The following CORO1B variants were observed in gnomAD, a reference collection of about 807,000 sequenced individuals.
CORO1B encodes the protein coronin 1B.
Under a neutral mutation model 51.1 loss-of-function variants are expected in CORO1B, and 30 were observed. The ratio of observed to expected loss-of-function variants is 0.59; its 90% confidence interval spans 0.44 to 0.80. CORO1B has a LOEUF of 0.80. Ranked by LOEUF, CORO1B falls within the 30% of genes least tolerant of loss-of-function variation. CORO1B has a pLI of 0.00. For missense variants in CORO1B, 648 were observed against 700.4 expected, an observed-to-expected ratio of 0.93 and a Z score of 0.84; for synonymous variants, 310 against 289.7, an observed-to-expected ratio of 1.07 and a Z score of -0.71.
At position 67,437,558 on chromosome 11, in the gene CORO1B, T is replaced by C; in HGVS notation, c.*818A>G. Reference sequence around the variant, plus strand: ...CTCCTTAGCTCCACAGGCCCAGACATTCTAGCCCCGACCGCCTGTGGCCCC... The same window carrying C: ...CTCCTTAGCTCCACAGGCCCAGACACTCTAGCCCCGACCGCCTGTGGCCCC... On this transcript the variant is annotated 3_prime_UTR_variant, in exon 11 of 11. Coordinates refer to ENST00000341356, the MANE Select transcript of CORO1B (RefSeq NM_020441.3). The C allele has an allele frequency of 7.5e-7, 1 of 1,336,786 alleles. No individual in the cohort carries two copies. The highest frequency in any genetic ancestry group is 9.7e-7 in the Non-Finnish European group (1 of 1,033,882). The allele number at this position is 1,336,786 out of a possible 1,614,324, so 82.8% of individuals were successfully genotyped here.
At chr11:67,440,561 TCTGCCATC>T in intron 6 of CORO1B, 122 bp from the exon 7 acceptor site, 1 of 863,892 alleles carries the variant, frequency 1.2e-6, no homozygotes, top group Non-Finnish European at 1.9e-6. Flanking sequence ...AGGTGGGCCC[TCTGCCATC>T]TCTATGCCTT....
intron 4 of CORO1B, 74 bp downstream of exon 4, chr11:67,441,659 G>T: frequency 2.1e-6 from 3 of 1,396,942 alleles, no homozygotes; most frequent in Admixed American, 1.9e-5. Flanking sequence ...TGTCATGTGG[G>T]CCCTGGAGGG....
At position 67,436,591 on chromosome 11, in the gene CORO1B, C is replaced by T. The variant is rs1864286731; in HGVS notation, c.*1785G>A. The T allele has an allele frequency of 2.3e-6, 1 of 434,826 alleles. No individual in the cohort carries two copies. Among genetic ancestry groups the T allele is most frequent in the Non-Finnish European group, 4.0e-6 (1 of 249,402 alleles). 26.9% of individuals were successfully genotyped at this position (434,826 alleles called of 1,614,324 possible). A position where few individuals can be genotyped will look rare whatever the true frequency, so the allele number is the denominator to read the frequency against. On this transcript the variant is annotated 3_prime_UTR_variant, in exon 11 of 11. Transcript: ENST00000341356. ...CCCAACAGCTGCATTAAGCCACCTG[C>T]CTGGGGCCTTCGCACTGGCTGTTCC...
chr11:67,442,011 G>C lies in CORO1B; in HGVS notation c.279C>G (p.His93Gln). 6.2e-7 allele frequency: 1 copy of C among 1,613,276 alleles called. No individual in the cohort carries two copies. The highest frequency in any genetic ancestry group is 8.5e-7 in the Non-Finnish European group (1 of 1,180,024). Residue 93 changes from histidine (H) to glutamine (Q), a missense_variant, in exon 3 of 11, where the codon CAC (histidine) becomes CAG (glutamine). His to Gln is a conservative substitution (Grantham distance 24, BLOSUM62 0). Transcript: ENST00000341356. ...AGCCGCTGGCTATGACTTCGTCGTTGTGAGGACACCAGTCGATGTCCAGGA... is the reference window on the plus strand; with the variant it reads ...AGCCGCTGGCTATGACTTCGTCGTTCTGAGGACACCAGTCGATGTCCAGGA... ...GPVLDIDWCP[H>Q]NDEVIASGSE...
Position 67,442,065 on chromosome 11 carries a change from G to A in CORO1B, c.225C>T (p.Tyr75=). Residue 75 remains tyrosine (Y), a synonymous_variant, in exon 3 of 11, where the codon TAC becomes TAT. Coordinates refer to ENST00000341356, the MANE Select transcript of CORO1B (RefSeq NM_020441.3). ...LSKTGRIDKA[Y]PTVCGHTGPV... is the part of the protein sequence containing the mutation. ...GTCCCGTGTGCCCACACACCGTCGG[G>A]TAGGCCTTGTCAATGCGGCCCGTCT... 6.2e-7 allele frequency: 1 copy of A among 1,612,632 alleles called. No individual in the cohort carries two copies. The highest frequency in any genetic ancestry group is 8.5e-7 in the Non-Finnish European group (1 of 1,179,766).
In CORO1B at chr11:67,441,025, G is replaced by C. The variant is rs779402142; in HGVS notation, c.756+100C>G. ...CCCTGAGAGCCTCAAGTTCCAGGCA[G>C]AGAAGCTAGGAACCACAGGCCTCCC... On this transcript the variant is annotated intron_variant, in intron 6 of 10. Transcript: ENST00000341356. The C allele has an allele frequency of 1.9e-6, 3 of 1,562,794 alleles. No homozygotes were observed. In the South Asian group the frequency reaches 3.3e-5, roughly 17 times the overall value.
chr11:67,438,379 C>T lies in CORO1B; in HGVS notation c.1467G>A (p.Ala489=), dbSNP rs202196580. The change falls in exon 11 of 11, where the codon GCG becomes GCA. Residue 489 remains alanine, a synonymous_variant. Coordinates refer to ENST00000341356, the MANE Select transcript of CORO1B (RefSeq NM_020441.3). Reference sequence around the variant, plus strand: ...AAGGTGGCGTGTGGCTGTGGCCCTACGCATCCCCGTTCTCCATGCGGCCCA... The same window carrying T: ...AAGGTGGCGTGTGGCTGTGGCCCTATGCATCCCCGTTCTCCATGCGGCCCA... ...EQLGRMENGD[A] The T allele has an allele frequency of 3.1e-5, 50 of 1,602,020 alleles. No individual in the cohort carries two copies. The highest frequency in any genetic ancestry group is 9.4e-5 in the African/African-American group (7 of 74,788).
In CORO1B at chr11:67,438,468, G is replaced by T. The variant is rs140306387; in HGVS notation, c.1378C>A (p.Leu460Met). The T allele has an allele frequency of 3.7e-6, 6 of 1,610,636 alleles. No individual in the cohort carries two copies. Among genetic ancestry groups the T allele is most frequent in the Non-Finnish European group, 5.1e-6 (6 of 1,178,398 alleles). Reference protein sequence around the residue: ...AGKLEEVMQELRALRALVKEQ... With the variant: ...AGKLEEVMQEMRALRALVKEQ... The stretch of plus-strand genomic sequence containing the variant: ...TTGACCAGCGCCCTCAGGGCCCGCA[G>T]CTCCTGCATCACCTCCTCCAGCTTC... The change falls in exon 11 of 11, where the codon CTG becomes ATG. Residue 460 changes from leucine (L) to methionine (M), a missense_variant. Coordinates refer to ENST00000341356, the MANE Select transcript of CORO1B (RefSeq NM_020441.3).
At position 67,439,014 on chromosome 11, in the gene CORO1B, C is replaced by T. The variant is rs1864346598; in HGVS notation, c.1066-65G>A. The T allele has an allele frequency of 1.9e-5, 29 of 1,499,384 alleles. 1 individual carries two copies. In the South Asian group the frequency reaches 3.2e-4, roughly 16 times the overall value. The allele number at this position is 1,499,384 out of a possible 1,614,324, so 92.9% of individuals were successfully genotyped here. On this transcript the variant is annotated intron_variant, in intron 9 of 10. Coordinates refer to ENST00000341356, the MANE Select transcript of CORO1B (RefSeq NM_020441.3). ...CCCCATCAGGGTCCCCTCATCCCTC[C>T]CCTGGCCTCCAGGCTTGCACTCTGT...
rs750938882 is a variant in CORO1B, at chr11:67,435,924, G to A, written c.*2452C>T. On this transcript the variant is annotated 3_prime_UTR_variant, in exon 11 of 11. Coordinates refer to ENST00000341356, the MANE Select transcript of CORO1B (RefSeq NM_020441.3). ...TCTCTGGCTTCCTCAGCCCGCACGG[G>A]GACCTGCTCTGGGCTGGACGCCTCT... 1 of 1,613,064 alleles carries A rather than the reference G, an allele frequency of 6.2e-7. No individual in the cohort carries two copies. Among genetic ancestry groups the A allele is most frequent in the South Asian group, 1.1e-5 (1 of 91,048 alleles).
rs761368949 is a variant in CORO1B at position 67,437,580 on chromosome 11, C to T, written c.*796G>A. ...ACATTCTAGCCCCGACCGCCTGTGGCCCCCATCCCAAGAACCCGGGGGGCT... is the reference window on the plus strand; with the variant it reads ...ACATTCTAGCCCCGACCGCCTGTGGTCCCCATCCCAAGAACCCGGGGGGCT... On this transcript the variant is annotated 3_prime_UTR_variant, in exon 11 of 11. Transcript: ENST00000341356. 1.3e-5 allele frequency: 18 copies of T among 1,345,016 alleles called. No individual in the cohort carries two copies. The highest frequency in any genetic ancestry group is 1.6e-5 in the Non-Finnish European group (17 of 1,039,178). The allele number at this position is 1,345,016 out of a possible 1,614,324, so 83.3% of individuals were successfully genotyped here.
At position 67,442,437 on chromosome 11, in the gene CORO1B, G is replaced by C. The variant is rs749449016; in HGVS notation, c.192C>G (p.Pro64=). The C allele has an allele frequency of 2.5e-5, 41 of 1,613,064 alleles. No homozygotes were observed. The highest frequency in any genetic ancestry group is 3.4e-5 in the Non-Finnish European group (40 of 1,180,000). The change falls in exon 2 of 11, where the codon CCC becomes CCG. Residue 64 remains proline (P), a synonymous_variant. Coordinates refer to ENST00000341356, the MANE Select transcript of CORO1B (RefSeq NM_020441.3). ...ASGGGAFLVL[P]LSKTGRIDKA... is the part of the protein sequence containing the mutation. Reference sequence around the variant, plus strand: ...CCCTGACAGGACCCACCTTGCTTAGGGGGAGCACCAGAAAGGCACCCCCTC... The same window carrying C: ...CCCTGACAGGACCCACCTTGCTTAGCGGGAGCACCAGAAAGGCACCCCCTC...
rs776260446 is a variant in CORO1B, at chr11:67,438,817, T to G, written c.1198A>C (p.Lys400Gln). The change falls in exon 10 of 11, where the codon AAG (lysine) becomes CAG (glutamine). Residue 400 changes from lysine (K) to glutamine (Q), a missense_variant. Physicochemically the swap from Lys to Gln is moderately conservative, Grantham distance 53 (BLOSUM62 1). Transcript: ENST00000341356. ...ISLREAYVPSKQRDLKISRRN... is the reference protein window; with the variant it reads ...ISLREAYVPSQQRDLKISRRN... ...CGGCTGATCTTCAGGTCCCGCTGCT[T>G]GCTGGGCACGTAGGCCTCCCGCAGT... The G allele has an allele frequency of 6.2e-7, 1 of 1,608,272 alleles. No homozygotes were observed. The highest frequency in any genetic ancestry group is 1.7e-5 in the Admixed American group (1 of 59,616).
intron 10 of CORO1B, 65 bp downstream of exon 10, chr11:67,438,606 G>T: frequency 6.6e-7 from 1 of 1,525,448 alleles, no homozygotes; most frequent in Non-Finnish European, 8.8e-7. Flanking sequence ...AATGGCTGAA[G>T]CCCACACAGC....
chr11:67,440,346 C>T lies in CORO1B; in HGVS notation c.850G>A (p.Val284Ile), dbSNP rs751001747. ...CTGCCCAGCCCCACCTTGCCGCAGACGTAGACCACACTGGTGTCGGGGTCG... is the reference window on the plus strand; with the variant it reads ...CTGCCCAGCCCCACCTTGCCGCAGATGTAGACCACACTGGTGTCGGGGTCG... ...FYDPDTSVVY[V>I]CGKGDSSIRY... The change falls in exon 7 of 11, where the codon GTC (valine) becomes ATC (isoleucine). Residue 284 changes from valine to isoleucine, a missense_variant. By Grantham distance (29) the Val-to-Ile change is conservative. Transcript: ENST00000341356. 95 of 1,613,790 alleles carry T rather than the reference C, an allele frequency of 5.9e-5. 1 individual carries two copies. Among genetic ancestry groups the T allele is most frequent in the South Asian group, 7.7e-5 (7 of 91,090 alleles).
intron 2 of CORO1B, 61 bp from the exon 3 acceptor site, chr11:67,442,149 C>T (rs1190458935): frequency 2.5e-6 from 4 of 1,586,732 alleles, no homozygotes; most frequent in Non-Finnish European, 3.4e-6. Context: ...GTCTTCCCCT[C>T]CATGGAGTGG....
At chr11:67,440,880 G>A (rs1864380151) in intron 6 of CORO1B, 5 of 657,150 alleles carry the variant, frequency 7.6e-6, no homozygotes, top group Non-Finnish European at 1.4e-5. Flanking sequence ...GGAGAGAAGG[G>A]CCCTTCCGTT....
upstream of CORO1B, chr11:67,443,527 G>A (rs2135150522): frequency 3.5e-6 from 3 of 847,504 alleles, no homozygotes; most frequent in African/African-American, 3.7e-5. Flanking sequence ...GGCGGGGCAG[G>A]GGCTCGCGGG....
In CORO1B at chr11:67,438,920, G is replaced by T. The variant is rs779083094; in HGVS notation, c.1095C>A (p.Pro365=). Residue 365 remains proline (P), a synonymous_variant, in exon 10 of 11, where the codon CCC becomes CCA. Coordinates refer to ENST00000341356, the MANE Select transcript of CORO1B (RefSeq NM_020441.3). ...KSDLFQDDLY[P]DTAGPEAALE... ...GGGCTGCCTCGGGCCCGGCTGTGTC[G>T]GGGTACAGATCATCCTGGAAGAGGT... 5 of 1,608,880 alleles carry T rather than the reference G, an allele frequency of 3.1e-6. No individual in the cohort carries two copies. The South Asian group carries it at 5.5e-5, about 18-fold the overall frequency.
Sources: gnomAD v4.1 joint callset for allele counts on GRCh38, gnomAD v4.1.1 for gene constraint, MANE v1.5 for transcripts, NCBI Gene and HGNC (gene_info 2026-07-23, HGNC 2026-07-21) for gene names.